HDAC11: variants seen among roughly 807,000 people sequenced by gnomAD.
The protein encoded by HDAC11 is histone deacetylase 11.
HDAC11 carries 23 observed loss-of-function variants against 41.1 expected under a neutral mutation model. The ratio of observed to expected loss-of-function variants is 0.56; its 90% CI spans 0.40 to 0.79. The LOEUF is 0.79. Among genes scored for constraint, HDAC11 ranks in the 30% least tolerant of loss-of-function variants. The probability of loss-of-function intolerance (pLI) is 0.00; values close to 1 mark genes in which losing one functional copy is unlikely to be tolerated. For missense variants in HDAC11, 402 were observed against 477.3 expected, an observed-to-expected ratio of 0.84 and a Z score of 1.47; for synonymous variants, 187 against 186.6, an observed-to-expected ratio of 1.00 and a Z score of -0.02.
chr3:13,491,126 C>T (rs1015148370), intron 3 of HDAC11, among the ~76,000 whole-genome samples: 2 of 141,108 alleles, frequency 1.4e-5, no homozygotes, highest in East Asian at 4.2e-4. Flanking sequence ...TCTTTAGGAT[C>T]CTCTATATAT....
chr3:13,504,684 C>T lies in HDAC11; in HGVS notation c.*1C>T. ...GCTGCTTCCCCCTGCAGTGCCCTGA[C>T]CCTTGCTGCCCTGCCTGTCACGTGG... On this transcript the variant is annotated 3_prime_UTR_variant, in exon 10 of 10. Transcript: ENST00000295757. 6.2e-7 allele frequency: 1 copy of T among 1,612,254 alleles called. No homozygotes were observed. The highest frequency in any genetic ancestry group is 8.5e-7 in the Non-Finnish European group (1 of 1,178,722).
chr3:13,491,070 GT>G (rs1701837605), intron 3 of HDAC11, among the ~76,000 whole-genome samples: 1 of 13,400 alleles, frequency 7.5e-5, no homozygotes, highest in Non-Finnish European at 1.5e-4. Context: ...TTTAATAGTT[GT>G]GTGTGTGTGT....
intron 3 of HDAC11, among the ~76,000 whole-genome samples, chr3:13,485,604 A>G (rs1343950061): frequency 6.6e-6 from 1 of 152,232 alleles, no homozygotes; most frequent in Non-Finnish European, 1.5e-5. Flanking sequence ...CAAAAGCCTG[A>G]AAGCAGCTTA....
chr3:13,500,871 C>T, intron 6 of HDAC11, 82 bp downstream of exon 6: 2 of 1,091,392 alleles, frequency 1.8e-6, no homozygotes, highest in Non-Finnish European at 2.6e-6. Flanking sequence ...CTGTTCTCAC[C>T]CTGAATTATA....
In HDAC11 at chr3:13,502,114, C is replaced by G; in HGVS notation, c.552+181C>G. Reference sequence around the variant, plus strand: ...ACTCTGTCCAGGACAGCGGGTCCTCCTCATTGCTCCCGAGGGTCCTCCCTC... The same window carrying G: ...ACTCTGTCCAGGACAGCGGGTCCTCGTCATTGCTCCCGAGGGTCCTCCCTC... On this transcript the variant is annotated intron_variant, in intron 7 of 9. Coordinates refer to ENST00000295757, the MANE Select transcript of HDAC11 (RefSeq NM_024827.4). This position sits in a 1 kb window ranked among gnomAD's most constrained non-coding sequence, Gnocchi z 4.1. 1.7e-6 allele frequency: 1 copy of G among 588,556 alleles called. No individual in the cohort carries two copies. The highest frequency in any genetic ancestry group is 3.0e-6 in the Non-Finnish European group (1 of 332,916). The allele number at this position is 588,556 out of a possible 1,614,324, so 36.5% of individuals were successfully genotyped here.
chr3:13,495,866 C>T (rs185929879), intron 3 of HDAC11, among the ~76,000 whole-genome samples: 21 of 152,358 alleles, frequency 1.4e-4, no homozygotes, highest in Non-Finnish European at 2.5e-4. Context: ...TAATAACCCC[C>T]ACCCAGTTCT....
At position 13,481,222 on chromosome 3, in the gene HDAC11, CGTCT is replaced by C. The variant is rs1559368180; in HGVS notation, c.3-19_3-16del. On this transcript the variant is annotated intron_variant, in intron 1 of 9. Coordinates refer to ENST00000295757, the MANE Select transcript of HDAC11 (RefSeq NM_024827.4). ...TTCTGCCGAGGCTGCCCCAGCTGTG[CGTCT>C]GTCTTTTTCCACACGGTAGGCTACA... 9 of 1,606,522 alleles carry C rather than the reference CGTCT, an allele frequency of 5.6e-6. No homozygotes were observed. The highest frequency in any genetic ancestry group is 1.3e-5 in the African/African-American group (1 of 74,876).
chr3:13,487,643 G>A (rs879754182), intron 3 of HDAC11, among the ~76,000 whole-genome samples: 10 of 152,068 alleles, frequency 6.6e-5, no homozygotes, highest in Admixed American at 2.0e-4. Flanking sequence ...ATGGAGTGTC[G>A]GTTAGTGCTG....
chr3:13,496,554 C>T (rs2290194), intron 3 of HDAC11, 182 bp from the exon 4 acceptor site: 124,653 of 545,566 alleles, frequency 0.23, 14,762 homozygotes, highest in Middle Eastern at 0.38. Context: ...CCAGAGCTTG[C>T]CAGGAGCCTG....
At position 13,504,201 on chromosome 3, in the gene HDAC11, G is replaced by A. The variant is rs745401909; in HGVS notation, c.757G>A (p.Val253Met). 13 of 1,613,830 alleles carry A rather than the reference G, an allele frequency of 8.1e-6. No homozygotes were observed. The highest frequency in any genetic ancestry group is 1.1e-5 in the South Asian group (1 of 91,082). The stretch of plus-strand genomic sequence containing the variant: ...ATCCCTCCAGGAGCACCTGCCCGAC[G>A]TGGTGGTATACAATGCAGGCACCGA... ...KKSLQEHLPDVVVYNAGTDIL... is the reference protein window; with the variant it reads ...KKSLQEHLPDMVVYNAGTDIL... Residue 253 changes from valine (V) to methionine (M), a missense_variant, in exon 9 of 10, where the codon GTG becomes ATG. Transcript: ENST00000295757.
At position 13,484,619 on chromosome 3, in the gene HDAC11, C is replaced by T. The variant is rs371252320; in HGVS notation, c.252+1055C>T. ...TCAGCTCACTGTAACCTCCGCCTCC[C>T]GGGTTCAAACAATTTTTCTGCCTCA... is the stretch of plus-strand genomic sequence containing the variant. On this transcript the variant is annotated intron_variant, in intron 3 of 9. Transcript: ENST00000295757. Among the ~76,000 whole-genome samples the T allele has an allele frequency of 3.2e-4, 49 of 152,316 alleles. 4 individuals are homozygous for T. In the South Asian group the frequency reaches 3.7e-3, roughly 12 times the overall value.
chr3:13,495,676 C>G (rs994682631), intron 3 of HDAC11, among the ~76,000 whole-genome samples: 9 of 152,314 alleles, frequency 5.9e-5, no homozygotes, highest in Non-Finnish European at 1.0e-4. Context: ...TGAGCCTGTG[C>G]TAGGAGACCA....
chr3:13,492,530 G>T (rs1701914198), intron 3 of HDAC11, among the ~76,000 whole-genome samples: 1 of 152,102 alleles, frequency 6.6e-6, no homozygotes, highest in Non-Finnish European at 1.5e-5. Flanking sequence ...GCTCCAGGGG[G>T]CCCCAGGTGG....
intron 3 of HDAC11, among the ~76,000 whole-genome samples, chr3:13,486,642 G>T (rs572944609): frequency 2.8e-5 from 4 of 143,586 alleles, no homozygotes; most frequent in East Asian, 4.2e-4. Flanking sequence ...ACAGTGGTGC[G>T]ATCTCAGCTC....
At chr3:13,500,849 G>T in intron 6 of HDAC11, 60 bp downstream of exon 6, 2 of 1,243,136 alleles carry the variant, frequency 1.6e-6, no homozygotes, top group Non-Finnish European at 2.2e-6. Context: ...CCTCCCCATA[G>T]CTCCAAATTA....
chr3:13,496,826 C>T lies in HDAC11; in HGVS notation c.343C>T (p.Arg115Trp), dbSNP rs769352859. 1.0e-5 allele frequency: 16 copies of T among 1,533,616 alleles called. No individual in the cohort carries two copies. The highest frequency in any genetic ancestry group is 2.5e-5 in the East Asian group (1 of 39,590). ...LVQRKVLRPL[R>W]TQTGGTIMAG... ...GCAGAGGAAGGTGCTGAGGCCCCTTCGGACCCAGACAGGAGGAACCATAAT... is the reference window on the plus strand; with the variant it reads ...GCAGAGGAAGGTGCTGAGGCCCCTTTGGACCCAGACAGGAGGAACCATAAT... The change falls in exon 4 of 10, where the codon CGG (arginine) becomes TGG (tryptophan). Residue 115 changes from arginine (R) to tryptophan (W), a missense_variant. Transcript: ENST00000295757.
At position 13,480,759 on chromosome 3, in the gene HDAC11, C is replaced by A; in HGVS notation, c.2+410C>A. On this transcript the variant is annotated intron_variant, in intron 1 of 9. Coordinates refer to ENST00000295757, the MANE Select transcript of HDAC11 (RefSeq NM_024827.4). This position sits in a 1 kb window ranked among gnomAD's most constrained non-coding sequence, Gnocchi z 4.6. The stretch of plus-strand genomic sequence containing the variant: ...CAGCGGGGTCAGGGGATCCCCGCCC[C>A]CCGCCCTGGCTCAGGTTGGGTCCCG... 1 of 471,142 alleles carries A rather than the reference C, an allele frequency of 2.1e-6. No homozygotes were observed. Among genetic ancestry groups the A allele is most frequent in the Non-Finnish European group, 4.4e-6 (1 of 229,272 alleles). 29.2% of individuals were successfully genotyped at this position (471,142 alleles called of 1,614,324 possible).
In HDAC11 at chr3:13,498,574, C is replaced by T. The variant is rs1018256761; in HGVS notation, c.412+19C>T. On this transcript the variant is annotated intron_variant, in intron 5 of 9. Coordinates refer to ENST00000295757, the MANE Select transcript of HDAC11 (RefSeq NM_024827.4). ...AACGTGGGTGAGTGCTGGGAATGTC[C>T]TCGGGAATGTCCAGCCCGGCTTGGT... The T allele has an allele frequency of 7.4e-6, 12 of 1,613,382 alleles. No individual in the cohort carries two copies. In the Admixed American group the frequency reaches 1.5e-4, roughly 20 times the overall value.
chr3:13,480,338 C>T lies in HDAC11; in HGVS notation c.-10C>T. 1.6e-6 allele frequency: 2 copies of T among 1,223,828 alleles called. No individual in the cohort carries two copies. Among genetic ancestry groups the T allele is most frequent in the Admixed American group, 4.3e-5 (1 of 23,234 alleles). The allele number at this position is 1,223,828 out of a possible 1,614,324, so 75.8% of individuals were successfully genotyped here. Reference sequence around the variant, plus strand: ...GAGCTGCGGCCAGCTTTGGGAGGGCCGGCCCCGGGATGTGAGTGCCGCGGG... The same window carrying T: ...GAGCTGCGGCCAGCTTTGGGAGGGCTGGCCCCGGGATGTGAGTGCCGCGGG... On this transcript the variant is annotated 5_prime_UTR_variant, in exon 1 of 10. Coordinates refer to ENST00000295757, the MANE Select transcript of HDAC11 (RefSeq NM_024827.4). The surrounding 1 kb of genome is among the most constrained non-coding windows in gnomAD (Gnocchi z 4.6).
Sources: allele counts gnomAD v4.1 joint callset (sites outside exome capture counted in the v4.1 genomes callset), GRCh38; gene constraint gnomAD v4.1.1; non-coding constraint Gnocchi (gnomAD v3.1); transcripts MANE v1.5; gene names NCBI Gene and HGNC (gene_info 2026-07-23, HGNC 2026-07-21).